OLFML1: variants seen among roughly 807,000 people sequenced by gnomAD.
OLFML1 encodes olfactomedin-like protein 1.
OLFML1 carries 33 observed loss-of-function variants against 37.3 expected under a neutral mutation model. The observed-to-expected ratio is 0.88, with a 90% CI of 0.67 to 1.18. The LOEUF is 1.18. OLFML1 is among the 50% of genes most tolerant of loss of function. The pLI is 0.00. For synonymous variants in OLFML1, 186 were observed against 181.3 expected, an observed-to-expected ratio of 1.03 and a Z score of -0.21; for missense variants, 545 against 483.7, an observed-to-expected ratio of 1.13 and a Z score of -1.19.
intron 2 of OLFML1, among the ~76,000 whole-genome samples, chr11:7,500,070 T>C (rs1848703029): frequency 6.6e-6 from 1 of 152,174 alleles, no homozygotes; most frequent in Non-Finnish European, 1.5e-5. Flanking sequence ...TTTTTGTATT[T>C]TTTGTGGAGA....
chr11:7,506,979 A>C (rs768931294), intron 2 of OLFML1, among the ~76,000 whole-genome samples: 5 of 152,204 alleles, frequency 3.3e-5, no homozygotes, highest in Admixed American at 6.5e-5. Context: ...TTCAGAGTAT[A>C]ACCCCTGGAG....
intron 2 of OLFML1, among the ~76,000 whole-genome samples, chr11:7,500,736 A>ATAATTCTTTTTTT (rs1848712775): frequency 6.8e-6 from 1 of 147,958 alleles, no homozygotes; most frequent in Admixed American, 6.7e-5. Flanking sequence ...TTTTTTTTTT[A>ATAATTCTTTTTTT]AAAAGAATTA....
chr11:7,487,179 G>C (rs1848533461), intron 1 of OLFML1, among the ~76,000 whole-genome samples: 1 of 152,182 alleles, frequency 6.6e-6, no homozygotes, highest in African/African-American at 2.4e-5. Flanking sequence ...AAAAGACAAG[G>C]ATATGATCTG....
intron 2 of OLFML1, among the ~76,000 whole-genome samples, chr11:7,489,400 T>G (rs1056278300): frequency 6.6e-6 from 1 of 152,012 alleles, no homozygotes; most frequent in Non-Finnish European, 1.5e-5. Flanking sequence ...CACCTTGACA[T>G]GTAGACCCGC....
intron 2 of OLFML1, among the ~76,000 whole-genome samples, chr11:7,507,031 G>A (rs1013490426): frequency 6.6e-6 from 1 of 152,182 alleles, no homozygotes; most frequent in African/African-American, 2.4e-5. Flanking sequence ...CCATGGAATT[G>A]AAGAGGTGGG....
intron 1 of OLFML1, 68 bp downstream of exon 1, chr11:7,486,072 T>C: frequency 6.9e-7 from 1 of 1,450,732 alleles, no homozygotes; most frequent in Non-Finnish European, 9.6e-7. Context: ...TTACCCATGC[T>C]TCTCTATCTA....
intron 2 of OLFML1, among the ~76,000 whole-genome samples, chr11:7,508,679 C>T (rs573242991): frequency 1.3e-5 from 2 of 152,334 alleles, no homozygotes; most frequent in South Asian, 4.1e-4. Context: ...TAAATGCATT[C>T]ATACATTCAT....
chr11:7,491,275 T>C (rs1398069873), intron 2 of OLFML1, among the ~76,000 whole-genome samples: 1 of 152,140 alleles, frequency 6.6e-6, no homozygotes. Flanking sequence ...GAGCAATTCA[T>C]TCAGTCCTCC....
At position 7,486,004 on chromosome 11, in the gene OLFML1, G is replaced by A. The variant is rs751419995; in HGVS notation, c.129G>A (p.Glu43=). The change falls in exon 1 of 3, where the codon GAG becomes GAA. Residue 43 remains glutamate, a splice_region_variant and synonymous_variant. Coordinates refer to ENST00000329293, the MANE Select transcript of OLFML1 (RefSeq NM_198474.4). ...HYIYQRFRVL[E]QGLEKCTQAT... is the part of the protein sequence containing the mutation. ...TCTACCAGCGCTTTCGAGTCTTGGA[G>A]GTAGGTGGCATCTGTACACCTTGGA... is the stretch of plus-strand genomic sequence containing the variant. 1 of 1,613,902 alleles carries A rather than the reference G, an allele frequency of 6.2e-7. No homozygotes were observed. Among genetic ancestry groups the A allele is most frequent in the South Asian group, 1.1e-5 (1 of 91,042 alleles).
rs149691556 is a variant in OLFML1, at chr11:7,502,227, T to G, written c.419-7171T>G. Among the ~76,000 whole-genome samples, 57 of 152,302 alleles carry G rather than the reference T, an allele frequency of 3.7e-4. 1 individual carries two copies. The East Asian group carries it at 8.5e-3, about 23-fold the overall frequency. On this transcript the variant is annotated intron_variant, in intron 2 of 2. Coordinates refer to ENST00000329293, the MANE Select transcript of OLFML1 (RefSeq NM_198474.4). The stretch of plus-strand genomic sequence containing the variant: ...ACACACTTGACATCCTGGCAGGATC[T>G]GAAGACAACCAATGTAATCACAACA...
In OLFML1 at chr11:7,509,931, G is replaced by A. The variant is rs1377091899; in HGVS notation, c.952G>A (p.Glu318Lys). Residue 318 changes from glutamate (E) to lysine (K), a missense_variant, in exon 3 of 3, where the codon GAA (glutamate) becomes AAA (lysine). Glu to Lys is a moderately conservative substitution (Grantham distance 56). Coordinates refer to ENST00000329293, the MANE Select transcript of OLFML1 (RefSeq NM_198474.4). ...TACCCCATGCAGAAGCCAGGATGCT[G>A]AAGCCTCATTCCTCTTGTGTGGGGT... is the stretch of plus-strand genomic sequence containing the variant. The part of the protein sequence containing the change: ...WDTPCRSQDA[E>K]ASFLLCGVLY... 1.2e-6 allele frequency: 2 copies of A among 1,614,254 alleles called. No homozygotes were observed. The highest frequency in any genetic ancestry group is 2.2e-5 in the South Asian group (2 of 91,090).
intron 2 of OLFML1, among the ~76,000 whole-genome samples, chr11:7,505,714 C>T (rs1250247673): frequency 1.3e-5 from 2 of 152,118 alleles, no homozygotes; most frequent in African/African-American, 4.8e-5. Flanking sequence ...ATCTTTAGTA[C>T]CAGCTACTCA....
In OLFML1 at chr11:7,509,439, G is replaced by A; in HGVS notation, c.460G>A (p.Val154Met). The A allele has an allele frequency of 6.2e-7, 1 of 1,613,608 alleles. No individual in the cohort carries two copies. The highest frequency in any genetic ancestry group is 8.5e-7 in the Non-Finnish European group (1 of 1,179,710). Residue 154 changes from valine (V) to methionine (M), a missense_variant, in exon 3 of 3, where the codon GTG becomes ATG. Physicochemically the swap from Val to Met is conservative, Grantham distance 21. Transcript: ENST00000329293. ...GATGGGCATAAAGTCTTTGAAAATA[G>A]TGAAGAAGATGATGGACACACATGG... Reference protein sequence around the residue: ...MLMGIKSLKIVKKMMDTHGSW... With the variant: ...MLMGIKSLKIMKKMMDTHGSW...
chr11:7,510,176 GC>G lies in OLFML1; in HGVS notation c.1199del (p.Pro400LeufsTer2), dbSNP rs760404560. On this transcript the variant is annotated frameshift_variant, in exon 3 of 3. Transcript: ENST00000329293. LOFTEE classifies it high-confidence loss of function. The stretch of plus-strand genomic sequence containing the variant: ...ACAAACTCCAGACAAAGAGAAAGCT[GC>G]CTCTGAAGTAATGCATTACAGCTGT... Reference protein sequence around the residue: ...IYKLQTKRKLPLK With the variant: ...IYKLQTKRKLXLK 1.2e-6 allele frequency: 2 copies of G among 1,605,780 alleles called. No homozygotes were observed. The highest frequency in any genetic ancestry group is 1.7e-6 in the Non-Finnish European group (2 of 1,179,062).
At chr11:7,508,022 A>C (rs1405577720) in intron 2 of OLFML1, among the ~76,000 whole-genome samples, 1 of 152,246 alleles carries the variant, frequency 6.6e-6, no homozygotes, top group Non-Finnish European at 1.5e-5. Flanking sequence ...TTACAGCTGG[A>C]AGAAAGAGCC....
In OLFML1 at chr11:7,488,335, A is replaced by T. The variant is rs12805648; in HGVS notation, c.338A>T (p.Glu113Val). The change falls in exon 2 of 3, where the codon GAA becomes GTA. Residue 113 changes from glutamate to valine, a missense_variant. Transcript: ENST00000329293. The stretch of plus-strand genomic sequence containing the variant: ...CTTCGAGAGGCTGACGAGTGCATCG[A>T]ATCAGAGGACAAGACACTGGCAGAA... ...QYLREADECI[E>V]SEDKTLAEML... The T allele has an allele frequency of 0.18, 283,890 of 1,613,724 alleles. 25,534 individuals carry two copies. Among genetic ancestry groups the T allele is most frequent in the Admixed American group, 0.25 (14,894 of 59,992 alleles).
intron 2 of OLFML1, among the ~76,000 whole-genome samples, chr11:7,504,067 T>C (rs912308497): frequency 1.3e-5 from 2 of 152,078 alleles, no homozygotes; most frequent in African/African-American, 2.4e-5. Flanking sequence ...AGAAAAATGA[T>C]CTAGGGTAAA....
intron 2 of OLFML1, among the ~76,000 whole-genome samples, chr11:7,489,249 CT>C (rs1301163535): frequency 1.3e-5 from 2 of 152,148 alleles, no homozygotes; most frequent in Non-Finnish European, 2.9e-5. Context: ...CTTCTAAGAA[CT>C]TCATGGTCAC....
At chr11:7,496,025 C>A (rs1848658814) in intron 2 of OLFML1, among the ~76,000 whole-genome samples, 1 of 152,220 alleles carries the variant, frequency 6.6e-6, no homozygotes, top group South Asian at 2.1e-4. Flanking sequence ...TGGGTTCAAA[C>A]AACAATCGTT....
Sources: allele counts gnomAD v4.1 joint callset (sites outside exome capture counted in the v4.1 genomes callset), GRCh38; gene constraint gnomAD v4.1.1; transcripts MANE v1.5; gene names NCBI Gene and HGNC (gene_info 2026-07-23, HGNC 2026-07-21).